DST: variants seen among roughly 807,000 people sequenced by gnomAD.
The protein encoded by DST is dystonin.
A neutral mutation model predicts 875.2 loss-of-function variants in DST; 253 were observed. The observed-to-expected ratio is 0.29, with a 90% CI of 0.26 to 0.32. The LOEUF (loss-of-function observed/expected upper bound fraction) is 0.32. Ranked by LOEUF, DST falls within the 10% of genes least tolerant of loss-of-function variation. DST has a pLI of 1.00. For synonymous variants in DST, 3,124 were observed against 3,197.1 expected (o/e 0.98, Z 0.77); for missense variants, 8,287 against 9,111.6 (o/e 0.91, Z 3.68).
chr6:56,463,575 G>A lies in DST; in HGVS notation c.22949C>T (p.Thr7650Ile). The change falls in exon 101 of 104, where the codon ACC becomes ATC. Residue 7650 changes from threonine to isoleucine, a missense_variant. This residue lies in a region of DST where 240 missense variants were observed against 237.3 expected (regional missense o/e 1.01). Transcript: ENST00000680361. ...CATCCTGAGTCTTACCTTGGGTGTG[G>A]TGGTGGCAGGGACCTGTGGGGAGGC... ...QAASPQVPATTTPKILHPLTR... is the reference protein window; with the variant it reads ...QAASPQVPATITPKILHPLTR... The A allele has an allele frequency of 6.3e-7, 1 of 1,588,286 alleles. No homozygotes were observed. Among genetic ancestry groups the A allele is most frequent in the Non-Finnish European group, 8.6e-7 (1 of 1,165,776 alleles).
Position 56,515,588 on chromosome 6 carries a change from T to C in DST, c.18438A>G (p.Ala6146=). The C allele has an allele frequency of 6.2e-7, 1 of 1,613,788 alleles. No homozygotes were observed. Among genetic ancestry groups the C allele is most frequent in the East Asian group, 2.2e-5 (1 of 44,880 alleles). Residue 6146 remains alanine (A), a synonymous_variant, in exon 72 of 104, where the codon GCA becomes GCG. Coordinates refer to ENST00000680361, the MANE Select transcript of DST (RefSeq NM_001374736.1). The part of the protein sequence containing the change: ...NSERYLQLER[A]QSLVNQFWET... ...CCCAGAATTGGTTAACCAGGGACTG[T>C]GCCCGTTCCAGCTGCAGATACCTTT...
intron 4 of DST, among the ~76,000 whole-genome samples, chr6:56,744,149 CAAA>C (rs1197086753): frequency 1.7e-5 from 1 of 58,472 alleles, no homozygotes; most frequent in African/African-American, 6.5e-5. Flanking sequence ...AACTCTGTCT[CAAA>C]AAAAAAAAAA....
At chr6:56,884,117 T>C (rs926240696) in intron 3 of DST, among the ~76,000 whole-genome samples, 1 of 151,220 alleles carries the variant, frequency 6.6e-6, no homozygotes, top group African/African-American at 2.5e-5. Flanking sequence ...GGTGGCAGAG[T>C]GAGAACTTAT....
In DST at chr6:56,459,233, T is replaced by C. The variant is rs1404471548; in HGVS notation, c.23229A>G (p.Arg7743=). 6.2e-7 allele frequency: 1 copy of C among 1,613,224 alleles called. No individual in the cohort carries two copies. ...CCCTGCTGCCAGCTTTGCTTCCAGC[T>C]CGACTTCCTGGTCGGCTGGGAGTCT... ...SKKTPSRPGS[R]AGSKAGSRAS... The change falls in exon 104 of 104, where the codon CGA becomes CGG. Residue 7743 remains arginine (R), a synonymous_variant. Coordinates refer to ENST00000680361, the MANE Select transcript of DST (RefSeq NM_001374736.1).
chr6:56,929,115 T>A (rs1197322017), intron 2 of DST, among the ~76,000 whole-genome samples: 1 of 152,088 alleles, frequency 6.6e-6, no homozygotes, highest in Admixed American at 6.6e-5. Context: ...CTAGAACATA[T>A]TATGAAGCTT....
At chr6:56,683,126 T>C (rs2099164491) in intron 9 of DST, among the ~76,000 whole-genome samples, 1 of 152,220 alleles carries the variant, frequency 6.6e-6, no homozygotes. Context: ...GTTCTAAGAT[T>C]GATTTCTGTA....
Position 56,529,641 on chromosome 6 carries a change from C to T in DST, c.17402G>A (p.Trp5801Ter). 6.2e-7 allele frequency: 1 copy of T among 1,613,716 alleles called. No individual in the cohort carries two copies. The highest frequency in any genetic ancestry group is 8.5e-7 in the Non-Finnish European group (1 of 1,179,732). ...VQSKLDFSQVWYIEIQEKSHS... is the reference protein window; with the variant it reads ...VQSKLDFSQV Reference sequence around the variant, plus strand: ...ACTTTTCTCTTGAATCTCAATGTACCATACTTGAGAGAAGTCTAATTTACT... The same window carrying T: ...ACTTTTCTCTTGAATCTCAATGTACTATACTTGAGAGAAGTCTAATTTACT... Residue 5801 changes from tryptophan to a stop codon, truncating the protein, a stop_gained, in exon 66 of 104, where the codon TGG becomes TAG. Transcript: ENST00000680361. LOFTEE classifies it high-confidence loss of function.
intron 3 of DST, among the ~76,000 whole-genome samples, chr6:56,897,162 G>A (rs947181088): frequency 2.6e-5 from 4 of 152,048 alleles, no homozygotes; most frequent in Non-Finnish European, 4.4e-5. Context: ...ATGAGGATCG[G>A]TTTCATTCTC....
At chr6:56,840,327 G>A (rs1435934740) in intron 4 of DST, among the ~76,000 whole-genome samples, 1 of 151,950 alleles carries the variant, frequency 6.6e-6, no homozygotes, top group East Asian at 1.9e-4. Context: ...TGTATTACAC[G>A]GTATATACAC....
chr6:56,463,885 CT>C, intron 100 of DST, 121 bp from the exon 101 acceptor site: 1 of 1,066,446 alleles, frequency 9.4e-7, no homozygotes. Context: ...TCAAGAACAT[CT>C]TTTTGCCATG....
chr6:56,513,493 C>CT (rs1280946430), intron 72 of DST, among the ~76,000 whole-genome samples: 2 of 148,794 alleles, frequency 1.3e-5, no homozygotes, highest in Non-Finnish European at 3.0e-5. Context: ...GCCTCCCAAA[C>CT]TGCTGGGATT....
At chr6:56,722,130 T>C (rs34703847) in intron 5 of DST, among the ~76,000 whole-genome samples, 37,988 of 150,552 alleles carry the variant, frequency 0.25, 6,453 homozygotes, top group African/African-American at 0.48. Context: ...AAAAAAAAGG[T>C]CATGACTGGA....
chr6:56,833,984 T>C (rs182135328), intron 4 of DST, among the ~76,000 whole-genome samples: 1 of 151,442 alleles, frequency 6.6e-6, no homozygotes, highest in Admixed American at 6.6e-5. Context: ...TCCCAGCACT[T>C]TAGAAAGCCA....
At chr6:56,588,335 C>T (rs1281389584) in intron 49 of DST, among the ~76,000 whole-genome samples, 2 of 152,172 alleles carry the variant, frequency 1.3e-5, no homozygotes, top group Non-Finnish European at 2.9e-5. Context: ...TACATACCAA[C>T]TTTTTCATGC....
chr6:56,782,387 G>T (rs914708562), intron 4 of DST, among the ~76,000 whole-genome samples: 54 of 152,090 alleles, frequency 3.6e-4, no homozygotes, highest in Non-Finnish European at 6.2e-4. Context: ...ATTGATTATT[G>T]CCACAATTTC....
intron 5 of DST, among the ~76,000 whole-genome samples, chr6:56,715,820 CA>C (rs768766059): frequency 5.3e-5 from 8 of 152,164 alleles, no homozygotes; most frequent in Non-Finnish European, 1.2e-4. Flanking sequence ...ACTTTGTACC[CA>C]GGCCATTGTT....
Position 56,608,943 on chromosome 6 carries a change from C to T in DST, c.5685G>A (p.Lys1895=). 1 of 1,613,768 alleles carries T rather than the reference C, an allele frequency of 6.2e-7. No homozygotes were observed. Among genetic ancestry groups the T allele is most frequent in the Non-Finnish European group, 8.5e-7 (1 of 1,179,798 alleles). The change falls in exon 40 of 104, where the codon AAG becomes AAA. Residue 1895 remains lysine, a synonymous_variant. Transcript: ENST00000680361. ...AGGAAACCAAGTTCTGTTGGAAAGC[C>T]TTCTGTAGGGTCAACTGTTCTCCTG... is the stretch of plus-strand genomic sequence containing the variant. ...PATGEQLTLQ[K]AFQQNLVSSA...
intron 4 of DST, among the ~76,000 whole-genome samples, chr6:56,811,969 G>T (rs1393972024): frequency 3.3e-5 from 5 of 151,608 alleles, no homozygotes; most frequent in Non-Finnish European, 7.4e-5. Flanking sequence ...AGGCGTAGTG[G>T]AGCACACCTG....
At chr6:56,812,522 A>T (rs1030126288) in intron 4 of DST, among the ~76,000 whole-genome samples, 1 of 152,232 alleles carries the variant, frequency 6.6e-6, no homozygotes, top group Admixed American at 6.5e-5. Context: ...AAATATTTCA[A>T]ATGAGAGATC....
Sources: gnomAD v4.1 joint callset for allele counts (sites outside exome capture counted in the v4.1 genomes callset) on GRCh38, gnomAD v4.1.1 for gene constraint, gnomAD v4.1.1 regional missense constraint, MANE v1.5 for transcripts, NCBI Gene and HGNC (gene_info 2026-07-23, HGNC 2026-07-21) for gene names.